Variants in CNTNAP2 observed in about 807,000 individuals in gnomAD.
The protein encoded by CNTNAP2 is contactin-associated protein-like 2.
A neutral mutation model predicts 155.2 loss-of-function variants in CNTNAP2; 98 were observed. The ratio of observed to expected loss-of-function variants is 0.63; its 90% CI spans 0.54 to 0.75. The LOEUF (loss-of-function observed/expected upper bound fraction) is 0.75. Ranked by LOEUF, CNTNAP2 falls within the 30% of genes least tolerant of loss-of-function variation. The pLI is 0.00. For synonymous variants in CNTNAP2, 651 were observed against 631.2 expected (o/e 1.03, Z -0.47); for missense variants, 1,727 against 1,688.1 (o/e 1.02, Z -0.40).
At chr7:146,978,946 T>C (rs1273008218) in intron 3 of CNTNAP2, among the ~76,000 whole-genome samples, 1 of 152,068 alleles carries the variant, frequency 6.6e-6, no homozygotes, top group Non-Finnish European at 1.5e-5. Context: ...TTTTAAAAGT[T>C]TGAGATTTTG....
chr7:146,211,026 G>T (rs557238974), intron 1 of CNTNAP2, among the ~76,000 whole-genome samples: 1 of 152,116 alleles, frequency 6.6e-6, no homozygotes, highest in African/African-American at 2.4e-5. Context: ...TTGGAGAAAA[G>T]AAAGAAGAAT....
intron 13 of CNTNAP2, among the ~76,000 whole-genome samples, chr7:147,664,606 T>C (rs1043753266): frequency 1.3e-5 from 2 of 152,250 alleles, no homozygotes; most frequent in African/African-American, 4.8e-5. Flanking sequence ...GTTATTGTTG[T>C]TGTTCTTCTC....
chr7:146,201,239 C>G (rs568827495), intron 1 of CNTNAP2, among the ~76,000 whole-genome samples: 2 of 152,076 alleles, frequency 1.3e-5, no homozygotes, highest in Non-Finnish European at 2.9e-5. Context: ...AGTGAATCAC[C>G]CTGTTAACAT....
intron 1 of CNTNAP2, among the ~76,000 whole-genome samples, chr7:146,446,826 T>G (rs1252359591): frequency 6.6e-6 from 1 of 152,036 alleles, no homozygotes; most frequent in Non-Finnish European, 1.5e-5. Flanking sequence ...TTCCATCGCT[T>G]TTATTGTTCT....
chr7:146,482,206 G>GAAAAAAAAAAA (rs749887909), intron 1 of CNTNAP2, among the ~76,000 whole-genome samples: 2 of 82,136 alleles, frequency 2.4e-5, no homozygotes, highest in African/African-American at 9.5e-5. Flanking sequence ...CTAAGAATTA[G>GAAAAAAAAAAA]AAAAAAAAAA....
chr7:147,148,426 T>C (rs1440345818), intron 8 of CNTNAP2, among the ~76,000 whole-genome samples: 1 of 151,766 alleles, frequency 6.6e-6, no homozygotes, highest in African/African-American at 2.4e-5. Context: ...GTATTCAATT[T>C]AGACTCAGAC....
At position 147,852,216 on chromosome 7, in the gene CNTNAP2, C is replaced by T. The variant is rs559435044; in HGVS notation, c.2099-51349C>T. Reference sequence around the variant, plus strand: ...ATTATTACATCAAAGAAGATCTCGCCGCACTTATCACAAACACTCTTAGTT... The same window carrying T: ...ATTATTACATCAAAGAAGATCTCGCTGCACTTATCACAAACACTCTTAGTT... On this transcript the variant is annotated intron_variant, in intron 13 of 23. Coordinates refer to ENST00000361727, the MANE Select transcript of CNTNAP2 (RefSeq NM_014141.6). Among the ~76,000 whole-genome samples the T allele has an allele frequency of 1.1e-4, 17 of 152,234 alleles. No individual in the cohort carries two copies. In the South Asian group the frequency reaches 1.9e-3, roughly 17 times the overall value.
intron 18 of CNTNAP2, among the ~76,000 whole-genome samples, chr7:148,188,490 A>G (rs1053954330): frequency 6.6e-6 from 1 of 152,202 alleles, no homozygotes; most frequent in African/African-American, 2.4e-5. Flanking sequence ...TTAGTAACAG[A>G]CTGGAAGGAA....
chr7:146,504,492 C>G (rs1014921402), intron 1 of CNTNAP2, among the ~76,000 whole-genome samples: 6 of 152,200 alleles, frequency 3.9e-5, no homozygotes, highest in Non-Finnish European at 8.8e-5. Context: ...GTAGGCCTAT[C>G]AGGTTCTGCA....
intron 21 of CNTNAP2, among the ~76,000 whole-genome samples, chr7:148,307,403 G>T (rs925321129): frequency 6.6e-6 from 1 of 152,176 alleles, no homozygotes; most frequent in African/African-American, 2.4e-5. Flanking sequence ...CGGCTTTGCA[G>T]TGCCAACCGG....
intron 1 of CNTNAP2, among the ~76,000 whole-genome samples, chr7:146,616,855 A>G (rs1799233137): frequency 6.6e-6 from 1 of 152,242 alleles, no homozygotes; most frequent in African/African-American, 2.4e-5. Context: ...ATTATCTCTT[A>G]TAATGAAACA....
At chr7:146,491,253 G>T (rs978706715) in intron 1 of CNTNAP2, among the ~76,000 whole-genome samples, 17 of 152,048 alleles carry the variant, frequency 1.1e-4, no homozygotes, top group African/African-American at 3.1e-4. Flanking sequence ...ATGGAATCTT[G>T]TATTGCCCCT....
At chr7:148,296,353 C>G (rs1255937398) in intron 21 of CNTNAP2, among the ~76,000 whole-genome samples, 1 of 151,528 alleles carries the variant, frequency 6.6e-6, no homozygotes, top group African/African-American at 2.4e-5. Context: ...CTGGGCAACA[C>G]AGTGAGACCC....
intron 4 of CNTNAP2, among the ~76,000 whole-genome samples, chr7:147,061,893 G>T (rs1477824532): frequency 1.3e-5 from 2 of 151,948 alleles, no homozygotes; most frequent in African/African-American, 4.8e-5. Context: ...CCAGCACTTT[G>T]GGAGGTGGGC....
intron 12 of CNTNAP2, among the ~76,000 whole-genome samples, chr7:147,565,372 C>CT (rs888330465): frequency 1.3e-5 from 2 of 151,474 alleles, no homozygotes; most frequent in African/African-American, 2.4e-5. Context: ...AAAAAGTGCG[C>CT]TTTTTTTTAT....
intron 8 of CNTNAP2, among the ~76,000 whole-genome samples, chr7:147,197,972 G>A (rs1400602893): frequency 6.6e-6 from 1 of 152,060 alleles, no homozygotes; most frequent in East Asian, 1.9e-4. Context: ...CAGAAACTTG[G>A]TAATATGGTA....
intron 8 of CNTNAP2, among the ~76,000 whole-genome samples, chr7:147,198,230 TC>T (rs1223172356): frequency 1.5e-5 from 2 of 135,264 alleles, no homozygotes; most frequent in Non-Finnish European, 3.2e-5. Context: ...GTTTCCAATA[TC>T]CTTTTTTTTT....
At chr7:146,529,824 G>C (rs1797742628) in intron 1 of CNTNAP2, among the ~76,000 whole-genome samples, 1 of 152,026 alleles carries the variant, frequency 6.6e-6, no homozygotes, top group African/African-American at 2.4e-5. Flanking sequence ...AACTAGCTGG[G>C]CATAGTAGCA....
At chr7:146,909,284 T>A (rs1796221167) in intron 3 of CNTNAP2, among the ~76,000 whole-genome samples, 2 of 134,668 alleles carry the variant, frequency 1.5e-5, no homozygotes, top group Admixed American at 1.5e-4. Flanking sequence ...AAAGAGGGAA[T>A]CCTCCCTAAC....
Sources: gnomAD v4.1 joint callset for allele counts (sites outside exome capture counted in the v4.1 genomes callset) on GRCh38, gnomAD v4.1.1 for gene constraint, MANE v1.5 for transcripts, NCBI Gene and HGNC (gene_info 2026-07-23, HGNC 2026-07-21) for gene names.